Variants in AK3 observed in about 807,000 individuals in gnomAD.
The protein encoded by AK3 is GTP:AMP phosphotransferase AK3, mitochondrial.
In AK3, 27 loss-of-function variants were observed where a neutral mutation model predicts 23.7. The ratio of observed to expected loss-of-function variants is 1.14; its 90% confidence interval spans 0.84 to 1.57. The LOEUF (loss-of-function observed/expected upper bound fraction) is 1.57. AK3 is among the 40% of genes most tolerant of loss of function. AK3 has a pLI of 0.00. For synonymous variants in AK3, 159 were observed against 116.0 expected (o/e 1.37, Z -2.38); for missense variants, 406 against 285.6 (o/e 1.42, Z -3.04).
intron 2 of AK3, among the ~76,000 whole-genome samples, chr9:4,720,910 C>A (rs765348827): frequency 1.3e-5 from 2 of 152,166 alleles, no homozygotes; most frequent in Non-Finnish European, 2.9e-5. Flanking sequence ...GGCAGCATCA[C>A]CAGCCTACCT....
At position 4,711,091 on chromosome 9, in the gene AK3, T is replaced by G. The variant is rs148099967; in HGVS notation, c.*1885A>C. 32 of 152,280 alleles carry G rather than the reference T, an allele frequency of 2.1e-4. No homozygotes were observed. The East Asian group carries it at 6.2e-3, about 29-fold the overall frequency. The allele number at this position is 152,280 out of a possible 1,614,324, so 9.4% of individuals were successfully genotyped here. On this transcript the variant is annotated 3_prime_UTR_variant, in exon 5 of 5. Transcript: ENST00000381809. The stretch of plus-strand genomic sequence containing the variant: ...TTGATTTCCAAATCCCCTAAGGGTA[T>G]TATGAAGGCCGGTATGGCTACCATA...
At chr9:4,722,394 C>A (rs1841921356) in intron 2 of AK3, 112 bp downstream of exon 2, 5 of 1,475,582 alleles carry the variant, frequency 3.4e-6, no homozygotes, top group Non-Finnish European at 4.6e-6. Context: ...TCCCAAGCAC[C>A]CCTCTCCCCA....
At chr9:4,729,522 C>T (rs757054551) in intron 1 of AK3, among the ~76,000 whole-genome samples, 2 of 151,988 alleles carry the variant, frequency 1.3e-5, no homozygotes, top group Middle Eastern at 3.4e-3. Flanking sequence ...TTCCTCCCCT[C>T]GCTATATGCC....
intron 1 of AK3, 21 bp from the exon 2 acceptor site, chr9:4,722,646 A>T (rs1841930738): frequency 6.2e-7 from 1 of 1,614,088 alleles, no homozygotes; most frequent in Non-Finnish European, 8.5e-7. Context: ...GCGGGGAAAA[A>T]AATCAGTAAG....
chr9:4,736,274 A>G (rs1842291349), intron 1 of AK3, among the ~76,000 whole-genome samples: 1 of 152,128 alleles, frequency 6.6e-6, no homozygotes, highest in Non-Finnish European at 1.5e-5. Flanking sequence ...GGCACTCCAT[A>G]TGCAAAGCAG....
At chr9:4,724,280 G>T (rs911104078) in intron 1 of AK3, among the ~76,000 whole-genome samples, 1 of 151,998 alleles carries the variant, frequency 6.6e-6, no homozygotes, top group Admixed American at 6.6e-5. Flanking sequence ...GTAAAAACAC[G>T]CAATTCTCTA....
At chr9:4,738,887 T>C (rs1455276799) in intron 1 of AK3, among the ~76,000 whole-genome samples, 1 of 147,106 alleles carries the variant, frequency 6.8e-6, no homozygotes, top group African/African-American at 2.5e-5. Context: ...TACTCCCACC[T>C]CAGCCTCCAG....
Position 4,712,892 on chromosome 9 carries a change from T to C in AK3, c.*84A>G. On this transcript the variant is annotated 3_prime_UTR_variant, in exon 5 of 5. Transcript: ENST00000381809. ...TAATTTTCAAAGAATTCATACATAC[T>C]AGAAGTCTTAGGAAAAGCAGCTTCT... 3 of 1,456,034 alleles carry C rather than the reference T, an allele frequency of 2.1e-6. No homozygotes were observed. The highest frequency in any genetic ancestry group is 2.8e-6 in the Non-Finnish European group (3 of 1,069,450). The allele number at this position is 1,456,034 out of a possible 1,614,324, so 90.2% of individuals were successfully genotyped here.
chr9:4,724,004 AC>A (rs1304158024), intron 1 of AK3, among the ~76,000 whole-genome samples: 5 of 152,196 alleles, frequency 3.3e-5, no homozygotes, highest in Non-Finnish European at 5.9e-5. Context: ...TAGATTTTTA[AC>A]CAAGAACAGA....
chr9:4,740,942 C>T lies in AK3; in HGVS notation c.146G>A (p.Gly49Asp), dbSNP rs754243455. Residue 49 changes from glycine to aspartate, a missense_variant, in exon 1 of 5, where the codon GGC becomes GAC. Gly to Asp is a moderately conservative substitution (Grantham distance 94). Transcript: ENST00000381809. ...CCTGGGCCCAGAGCTCCCACCTGTG[C>T]CCCGCAGCATGTTGTCCCGGAGCAG... Reference protein sequence around the residue: ...GDLLRDNMLRGTEIGVLAKAF... With the variant: ...GDLLRDNMLRDTEIGVLAKAF... 3.2e-6 allele frequency: 5 copies of T among 1,567,534 alleles called. No individual in the cohort carries two copies. The South Asian group carries it at 3.5e-5, about 11-fold the overall frequency.
chr9:4,726,204 G>C (rs1842020273), intron 1 of AK3, among the ~76,000 whole-genome samples: 1 of 152,146 alleles, frequency 6.6e-6, no homozygotes, highest in South Asian at 2.1e-4. Flanking sequence ...GACTGATCAG[G>C]ATGGAGGTTG....
At chr9:4,715,006 G>A (rs1342436109) in intron 4 of AK3, among the ~76,000 whole-genome samples, 1 of 152,010 alleles carries the variant, frequency 6.6e-6, no homozygotes, top group African/African-American at 2.4e-5. Context: ...ATCACTTGAG[G>A]TCAGGAGTTC....
chr9:4,731,199 A>G (rs1401503390), intron 1 of AK3, among the ~76,000 whole-genome samples: 1 of 152,222 alleles, frequency 6.6e-6, no homozygotes, highest in Non-Finnish European at 1.5e-5. Flanking sequence ...GGTTTGTTGT[A>G]CAGATTATTT....
chr9:4,715,200 G>C (rs1204822699), intron 4 of AK3, among the ~76,000 whole-genome samples: 3 of 125,678 alleles, frequency 2.4e-5, no homozygotes, highest in Admixed American at 9.5e-5. Context: ...ACCTGAGAGA[G>C]AGTGAGACTC....
intron 2 of AK3, among the ~76,000 whole-genome samples, chr9:4,720,688 C>CAA (rs1563787118): frequency 1.7e-5 from 1 of 57,844 alleles, no homozygotes; most frequent in Non-Finnish European, 3.5e-5. Flanking sequence ...GACACTGTCT[C>CAA]CAAAAAAAAA....
chr9:4,722,748 A>C (rs1841934278), intron 1 of AK3, 123 bp from the exon 2 acceptor site: 1 of 1,409,280 alleles, frequency 7.1e-7, no homozygotes, highest in African/African-American at 1.4e-5. Context: ...GTGCATCATC[A>C]ACTTTTCTGA....
At chr9:4,714,726 A>G (rs1014869179) in intron 4 of AK3, among the ~76,000 whole-genome samples, 2 of 152,252 alleles carry the variant, frequency 1.3e-5, no homozygotes, top group Non-Finnish European at 2.9e-5. Context: ...TCCAAAGAGT[A>G]AGGGCATCAT....
At chr9:4,732,243 A>G (rs1436670358) in intron 1 of AK3, among the ~76,000 whole-genome samples, 1 of 152,166 alleles carries the variant, frequency 6.6e-6, no homozygotes, top group Non-Finnish European at 1.5e-5. Context: ...GCCACTGCAC[A>G]TGGCTGATAA....
rs776038728 is a variant in AK3 at position 4,719,319 on chromosome 9, AAAAAAG to A, written c.272-18_272-13del. 193 of 1,581,544 alleles carry A rather than the reference AAAAAAG, an allele frequency of 1.2e-4. 1 individual carries two copies. In the African/African-American group the frequency reaches 1.8e-3, roughly 15 times the overall value. On this transcript the variant is annotated splice_polypyrimidine_tract_variant and intron_variant, in intron 2 of 4. Coordinates refer to ENST00000381809, the MANE Select transcript of AK3 (RefSeq NM_016282.4). ...TGTCCTTGGAAAACCTTTATAAAGT[AAAAAAG>A]AAAAAGAAGAAGAAAAAAGAAAGGA...
Sources: gnomAD v4.1 joint callset for allele counts (sites outside exome capture counted in the v4.1 genomes callset) on GRCh38, gnomAD v4.1.1 for gene constraint, MANE v1.5 for transcripts, NCBI Gene and HGNC (gene_info 2026-07-23, HGNC 2026-07-21) for gene names.